Variants in PYY observed in about 807,000 individuals in gnomAD.
PYY encodes peptide YY, also known as peptide tyrosine tyrosine.
A neutral mutation model predicts 10.3 loss-of-function variants in PYY; 12 were observed. The ratio of observed to expected loss-of-function variants is 1.17; its 90% CI spans 0.75 to 1.89. The LOEUF (loss-of-function observed/expected upper bound fraction) is 1.89, where lower values mean the gene tolerates loss of function less well. Ranked by LOEUF, PYY falls within the 40% of genes most tolerant of loss-of-function variation. The pLI is 0.00. For missense variants in PYY, 141 were observed against 134.0 expected (o/e 1.05, Z -0.26); for synonymous variants, 66 against 62.0 (o/e 1.06, Z -0.30).
chr17:43,974,644 AT>A (rs2048816932), intron 1 of PYY, among the ~76,000 whole-genome samples: 1 of 152,160 alleles, frequency 6.6e-6, no homozygotes, highest in Admixed American at 6.5e-5. Context: ...AACGTGCTAC[AT>A]TTTCTTGCTA....
At chr17:43,968,368 C>A (rs967304887) in intron 1 of PYY, among the ~76,000 whole-genome samples, 3 of 152,102 alleles carry the variant, frequency 2.0e-5, no homozygotes, top group Non-Finnish European at 4.4e-5. Flanking sequence ...TTTACACAAT[C>A]TCTTCCAGAA....
intron 1 of PYY, among the ~76,000 whole-genome samples, chr17:44,001,503 C>A (rs1489116505): frequency 2.0e-5 from 3 of 147,074 alleles, no homozygotes; most frequent in Non-Finnish European, 4.6e-5. Flanking sequence ...GACACTCACA[C>A]TCTTCTCCTC....
intron 1 of PYY, among the ~76,000 whole-genome samples, chr17:43,995,945 A>G (rs2048989671): frequency 6.6e-6 from 1 of 152,060 alleles, no homozygotes; most frequent in South Asian, 2.1e-4. Flanking sequence ...GCTTGAGCTC[A>G]GGAGTTTAAG....
At chr17:43,957,847 G>A (rs73986647), upstream of PYY, 4,568 of 154,624 alleles carry the variant, frequency 0.03, 232 homozygotes, top group African/African-American at 0.1. Context: ...CTTGAGAAGA[G>A]CAGGGGGTGG....
In PYY at chr17:44,001,615, G is replaced by A. The variant is rs572255541; in HGVS notation, c.-463+2776C>T. ...TAATCATCTACTCTGGTATCTCTGG[G>A]CCCCATTGGCTGCCTGGGGACACGG... On this transcript the variant is annotated intron_variant, in intron 1 of 6. Coordinates refer to the PYY transcript ENST00000360085. 2.0e-5 allele frequency among the ~76,000 whole-genome samples: 3 copies of A among 152,292 alleles called. No individual in the cohort carries two copies. In the East Asian group the frequency reaches 5.8e-4, roughly 29 times the overall value.
intron 2 of PYY, among the ~76,000 whole-genome samples, chr17:43,963,963 A>C (rs117073003): frequency 0.011 from 1,627 of 151,774 alleles, 68 homozygotes; most frequent in East Asian, 0.074. Context: ...TGAGCTGTGA[A>C]CGTGCCACTG....
intron 1 of PYY, among the ~76,000 whole-genome samples, chr17:43,968,193 C>T (rs1039536348): frequency 2.6e-5 from 4 of 151,906 alleles, no homozygotes; most frequent in African/African-American, 4.8e-5. Flanking sequence ...CCAGCCTGGG[C>T]GTGTATGTGT....
At position 43,975,725 on chromosome 17, in the gene PYY, AATATAT is replaced by A. The variant is rs745420304; in HGVS notation, c.-462-9199_-462-9194del. 7.4e-4 allele frequency among the ~76,000 whole-genome samples: 62 copies of A among 83,744 alleles called. 6 individuals are homozygous for A. The highest frequency in any genetic ancestry group is 4.0e-3 in the African/African-American group (51 of 12,842). 54.9% of individuals were successfully genotyped at this position (83,744 alleles called of 152,430 possible). A position where few individuals can be genotyped will look rare whatever the true frequency, so the allele number is the denominator to read the frequency against. On this transcript the variant is annotated intron_variant, in intron 1 of 6. Coordinates refer to the PYY transcript ENST00000360085. ...CAGGAGTAAGACCCTGAAAAAAAAA[AATATAT>A]ATATATATATATATACACACACACA... is the stretch of plus-strand genomic sequence containing the variant.
upstream of PYY, chr17:43,957,858 G>T (rs1434508792): frequency 6.5e-6 from 1 of 154,500 alleles, no homozygotes; most frequent in Non-Finnish European, 1.5e-5. Context: ...CAGGGGGTGG[G>T]TTTAGGAAAC....
chr17:43,968,264 T>C (rs746960228), intron 1 of PYY, among the ~76,000 whole-genome samples: 14 of 152,124 alleles, frequency 9.2e-5, no homozygotes, highest in South Asian at 2.1e-4. Flanking sequence ...AGCTTTCTTC[T>C]CTCTGTGTCC....
chr17:43,986,299 G>A (rs951078274), intron 1 of PYY, among the ~76,000 whole-genome samples: 11 of 152,140 alleles, frequency 7.2e-5, no homozygotes, highest in East Asian at 3.8e-4. Flanking sequence ...GAGGGTGAGC[G>A]TCTAGGTCTT....
At chr17:43,957,854 G>A (rs1050737985), upstream of PYY, 3 of 154,524 alleles carry the variant, frequency 1.9e-5, no homozygotes, top group Non-Finnish European at 4.4e-5. Context: ...AGAGCAGGGG[G>A]TGGGTTTAGG....
chr17:43,972,491 C>T (rs1394346629), intron 1 of PYY, among the ~76,000 whole-genome samples: 2 of 151,694 alleles, frequency 1.3e-5, no homozygotes, highest in Non-Finnish European at 2.9e-5. Flanking sequence ...ACTGGGATTA[C>T]AGGCGTGAGC....
Position 43,987,406 on chromosome 17 carries a change from C to G in PYY, c.-463+16985G>C, listed in dbSNP as rs2048922648. On this transcript the variant is annotated intron_variant, in intron 1 of 6. Transcript: ENST00000360085. The surrounding 1 kb of genome is among the most constrained non-coding windows in gnomAD (Gnocchi z 4.0). The stretch of plus-strand genomic sequence containing the variant: ...CTGGGCCCAGCCCATCGCCTCTACC[C>G]TGGGACTTCAGCTACAAAAGGCATC... 6.6e-6 allele frequency among the ~76,000 whole-genome samples: 1 copy of G among 152,218 alleles called. No homozygotes were observed. Among genetic ancestry groups the G allele is most frequent in the Non-Finnish European group, 1.5e-5 (1 of 68,042 alleles).
At chr17:43,973,621 C>T (rs1467811544) in intron 1 of PYY, among the ~76,000 whole-genome samples, 1 of 152,022 alleles carries the variant, frequency 6.6e-6, no homozygotes, top group Admixed American at 6.6e-5. Context: ...TTGGTGAAAC[C>T]CCGTCTCTAC....
intron 1 of PYY, among the ~76,000 whole-genome samples, chr17:44,003,483 T>A (rs1051933915): frequency 6.6e-6 from 1 of 151,420 alleles, no homozygotes; most frequent in African/African-American, 2.4e-5. Context: ...GGTGAAACCC[T>A]GTCTCTACTA....
At chr17:44,003,029 GATTTTA>G (rs906777430) in intron 1 of PYY, among the ~76,000 whole-genome samples, 15 of 151,982 alleles carry the variant, frequency 9.9e-5, no homozygotes, top group Admixed American at 2.0e-4. Context: ...TTTTAATTTT[GATTTTA>G]ATTTTAATTT....
At chr17:43,957,986 G>A (rs1308785689), upstream of PYY, 2 of 154,400 alleles carry the variant, frequency 1.3e-5, no homozygotes, top group African/African-American at 4.8e-5. Flanking sequence ...TGTGCTGCGC[G>A]CCCAAGGCTC....
At chr17:43,958,405 C>T (rs904085533), upstream of PYY, among the ~76,000 whole-genome samples, 2 of 148,510 alleles carry the variant, frequency 1.3e-5, no homozygotes, top group South Asian at 2.1e-4. Flanking sequence ...TTTTTTGAGA[C>T]GGAGTCTTAC....
Sources: allele counts gnomAD v4.1 joint callset (sites outside exome capture counted in the v4.1 genomes callset), GRCh38; gene constraint gnomAD v4.1.1; non-coding constraint Gnocchi (gnomAD v3.1); transcripts MANE v1.5; gene names NCBI Gene and HGNC (gene_info 2026-07-23, HGNC 2026-07-21).